Variants in CFAP61 observed in about 807,000 individuals in gnomAD.
The protein encoded by CFAP61 is cilia- and flagella-associated protein 61.
Under a neutral mutation model 135.6 loss-of-function variants are expected in CFAP61, and 107 were observed. The ratio of observed to expected loss-of-function variants is 0.79; its 90% CI spans 0.67 to 0.93. CFAP61 has a LOEUF of 0.93. CFAP61 is among the 40% of genes least tolerant of loss of function. CFAP61 has a pLI of 0.00. For missense variants in CFAP61, 1,507 were observed against 1,556.2 expected (o/e 0.97, Z 0.53); for synonymous variants, 575 against 578.5 (o/e 0.99, Z 0.09).
intron 25 of CFAP61, among the ~76,000 whole-genome samples, chr20:20,316,420 C>G (rs1270905683): frequency 6.6e-6 from 1 of 151,788 alleles, no homozygotes; most frequent in African/African-American, 2.4e-5. Flanking sequence ...AGTTGCTTAT[C>G]AGCTTAAGGA....
chr20:20,199,568 G>A (rs1029274426), intron 16 of CFAP61, among the ~76,000 whole-genome samples, 200 bp from the exon 17 acceptor site: 3 of 152,032 alleles, frequency 2.0e-5, no homozygotes, highest in East Asian at 1.9e-4. Flanking sequence ...AATTACTCTC[G>A]TAATTATCTT....
At position 20,142,943 on chromosome 20, in the gene CFAP61, A is replaced by G. The variant is rs115630527; in HGVS notation, c.946A>G (p.Ile316Val). The G allele has an allele frequency of 1.4e-4, 217 of 1,580,706 alleles. 1 individual carries two copies. In the African/African-American group the frequency reaches 2.6e-3, roughly 19 times the overall value. The part of the protein sequence containing the change: ...EPVSPDTMEN[I>V]QGNIAREAAS... ...TGTCTCTCCAGATACCATGGAAAACATCCAGGTGAGAGAGACTATCCCTCC... is the reference window on the plus strand; with the variant it reads ...TGTCTCTCCAGATACCATGGAAAACGTCCAGGTGAGAGAGACTATCCCTCC... Residue 316 changes from isoleucine to valine, a missense_variant, in exon 9 of 27, where the codon ATC becomes GTC. Ile to Val is a conservative substitution (Grantham distance 29). Coordinates refer to ENST00000245957, the MANE Select transcript of CFAP61 (RefSeq NM_015585.4).
intron 14 of CFAP61, among the ~76,000 whole-genome samples, chr20:20,189,944 G>A (rs2055801825): frequency 6.6e-6 from 1 of 152,034 alleles, no homozygotes; most frequent in African/African-American, 2.4e-5. Context: ...ACACGTGCCT[G>A]CCTGTAATTT....
chr20:20,322,362 AC>A (rs2057560002), intron 25 of CFAP61, among the ~76,000 whole-genome samples: 1 of 152,130 alleles, frequency 6.6e-6, no homozygotes, highest in African/African-American at 2.4e-5. Context: ...TCCCAACATG[AC>A]TGTTGGGGGC....
At chr20:20,353,299 AG>A (rs2058916969) in intron 26 of CFAP61, among the ~76,000 whole-genome samples, 1 of 152,100 alleles carries the variant, frequency 6.6e-6, no homozygotes, top group Non-Finnish European at 1.5e-5. Context: ...CAGACACAAA[AG>A]GTTAATTGGC....
chr20:20,334,581 C>T lies in CFAP61; in HGVS notation c.3423-7250C>T, dbSNP rs574274728. ...GTCTTAGTGCCAATGAATTGTAAGCCGTTTTTCTGCAGAGCAGGAAACATC... is the reference window on the plus strand; with the variant it reads ...GTCTTAGTGCCAATGAATTGTAAGCTGTTTTTCTGCAGAGCAGGAAACATC... On this transcript the variant is annotated intron_variant, in intron 25 of 26. Coordinates refer to ENST00000245957, the MANE Select transcript of CFAP61 (RefSeq NM_015585.4). 2.6e-5 allele frequency among the ~76,000 whole-genome samples: 4 copies of T among 152,278 alleles called. No homozygotes were observed. The South Asian group carries it at 8.3e-4, about 32-fold the overall frequency.
In CFAP61 at chr20:20,196,733, C is replaced by A. The variant is rs116517823; in HGVS notation, c.1754C>A (p.Ser585Tyr). The change falls in exon 16 of 27, where the codon TCC becomes TAC. Residue 585 changes from serine to tyrosine, a missense_variant. Physicochemically the swap from Ser to Tyr is moderately radical, Grantham distance 144. Transcript: ENST00000245957. ...LKEILRLGFK[S>Y]CLYYRVYPKS... ...GAGATCCTGCGTTTAGGCTTTAAAT[C>A]CTGTCTCTACTACCGTGTTTACCCA... 1 of 1,614,192 alleles carries A rather than the reference C, an allele frequency of 6.2e-7. No homozygotes were observed. The highest frequency in any genetic ancestry group is 1.3e-5 in the African/African-American group (1 of 75,046).
intron 13 of CFAP61, among the ~76,000 whole-genome samples, chr20:20,174,111 A>G (rs2054426439): frequency 6.6e-6 from 1 of 152,208 alleles, no homozygotes; most frequent in African/African-American, 2.4e-5. Context: ...TGCATTTAAA[A>G]TTGGAGCACA....
intron 18 of CFAP61, among the ~76,000 whole-genome samples, chr20:20,245,077 C>T (rs2050334980): frequency 6.6e-6 from 1 of 152,216 alleles, no homozygotes; most frequent in South Asian, 2.1e-4. Flanking sequence ...TTGGCCAAAG[C>T]CATTCAACAA....
At chr20:20,209,777 G>A (rs1303353080) in intron 17 of CFAP61, among the ~76,000 whole-genome samples, 2 of 152,166 alleles carry the variant, frequency 1.3e-5, no homozygotes, top group African/African-American at 4.8e-5. Flanking sequence ...AGGAGCTCAT[G>A]GACATGGAAT....
At chr20:20,085,429 A>G (rs1172428703) in intron 6 of CFAP61, 3 of 1,364,552 alleles carry the variant, frequency 2.2e-6, no homozygotes, top group African/African-American at 1.5e-5. Flanking sequence ...TGCATTTAGC[A>G]GAACAAGTTC....
chr20:20,296,296 TC>T (rs1479967189), intron 24 of CFAP61, among the ~76,000 whole-genome samples: 5 of 83,782 alleles, frequency 6.0e-5, no homozygotes, highest in Admixed American at 1.3e-4. Context: ...CTTCCCTCCT[TC>T]CCTTCCTTCC....
intron 9 of CFAP61, 143 bp from the exon 10 acceptor site, chr20:20,159,227 T>A: frequency 1.5e-6 from 1 of 664,248 alleles, no homozygotes; most frequent in Non-Finnish European, 2.7e-6. Context: ...AGGAGGAAAC[T>A]GAGGTTACAT....
At chr20:20,304,482 C>T (rs1052501740) in intron 25 of CFAP61, among the ~76,000 whole-genome samples, 6 of 151,836 alleles carry the variant, frequency 4.0e-5, no homozygotes, top group Non-Finnish European at 7.4e-5. Flanking sequence ...AGCATTTGTG[C>T]CCCCACAGGC....
chr20:20,185,146 G>A (rs2055406293), intron 13 of CFAP61, among the ~76,000 whole-genome samples: 1 of 152,182 alleles, frequency 6.6e-6, no homozygotes, highest in African/African-American at 2.4e-5. Context: ...GTTTAATGAA[G>A]CTCGTATATT....
rs2050947781 is a variant in CFAP61, at chr20:20,251,875, A to G, written c.2328+112A>G. On this transcript the variant is annotated intron_variant, in intron 20 of 26. Coordinates refer to ENST00000245957, the MANE Select transcript of CFAP61 (RefSeq NM_015585.4). Reference sequence around the variant, plus strand: ...GGGTAAAGAGCATCCCTCTGCCTGGACAGCTGCTGCTCTAAATTCATAAAA... The same window carrying G: ...GGGTAAAGAGCATCCCTCTGCCTGGGCAGCTGCTGCTCTAAATTCATAAAA... 2.7e-6 allele frequency: 3 copies of G among 1,125,916 alleles called. No homozygotes were observed. The Admixed American group carries it at 6.4e-5, about 24-fold the overall frequency. 69.7% of individuals were successfully genotyped at this position (1,125,916 alleles called of 1,614,324 possible). A position where few individuals can be genotyped will look rare whatever the true frequency, so the allele number is the denominator to read the frequency against.
intron 6 of CFAP61, among the ~76,000 whole-genome samples, chr20:20,089,095 T>C (rs951550880): frequency 6.6e-6 from 1 of 152,084 alleles, no homozygotes; most frequent in Non-Finnish European, 1.5e-5. Flanking sequence ...AGGACTCCCC[T>C]CTCAACTCTT....
chr20:20,098,926 G>T, intron 8 of CFAP61, 112 bp downstream of exon 8: 1 of 984,806 alleles, frequency 1.0e-6, no homozygotes, highest in East Asian at 2.7e-5. Flanking sequence ...TCCTTCCCCA[G>T]TTCCCCTTAA....
At chr20:20,104,138 C>T (rs2048217930) in intron 8 of CFAP61, among the ~76,000 whole-genome samples, 1 of 152,180 alleles carries the variant, frequency 6.6e-6, no homozygotes, top group Non-Finnish European at 1.5e-5. Flanking sequence ...CTAGTGTAGC[C>T]CCTTGTCACC....
Sources: allele counts gnomAD v4.1 joint callset (sites outside exome capture counted in the v4.1 genomes callset), GRCh38; gene constraint gnomAD v4.1.1; transcripts MANE v1.5; gene names NCBI Gene and HGNC (gene_info 2026-07-23, HGNC 2026-07-21).